The following FRY variants were observed in gnomAD, a reference collection of about 807,000 sequenced individuals.
FRY encodes the protein protein furry homolog.
A neutral mutation model predicts 348.4 loss-of-function variants in FRY; 128 were observed. The observed-to-expected ratio is 0.37, with a 90% confidence interval of 0.32 to 0.43. The LOEUF (loss-of-function observed/expected upper bound fraction) is 0.43, where lower values mean the gene tolerates loss of function less well. Ranked by LOEUF, FRY falls within the 20% of genes least tolerant of loss-of-function variation. FRY has a pLI of 1.00. For synonymous variants in FRY, 1,370 were observed against 1,374.7 expected (o/e 1.00, Z 0.08); for missense variants, 2,736 against 3,695.2 (o/e 0.74, Z 6.73).
chr13:32,233,650 T>C (rs185309986), intron 41 of FRY, among the ~76,000 whole-genome samples: 1 of 152,340 alleles, frequency 6.6e-6, no homozygotes, highest in African/African-American at 2.4e-5. Flanking sequence ...AGCTTTCCTC[T>C]CTTCTGAAAT....
intron 1 of FRY, among the ~76,000 whole-genome samples, chr13:32,034,377 G>A (rs140318930): frequency 6.6e-6 from 1 of 152,272 alleles, no homozygotes; most frequent in African/African-American, 2.4e-5. Flanking sequence ...CTAGTGAGAT[G>A]TACTAGCTTT....
At chr13:32,240,900 A>C (rs1886464694) in intron 46 of FRY, among the ~76,000 whole-genome samples, 1 of 152,206 alleles carries the variant, frequency 6.6e-6, no homozygotes, top group South Asian at 2.1e-4. Flanking sequence ...GCATCTACCT[A>C]GCAGAGGAGA....
chr13:32,084,421 T>G (rs1037289778), intron 2 of FRY, among the ~76,000 whole-genome samples: 1 of 152,174 alleles, frequency 6.6e-6, no homozygotes, highest in African/African-American at 2.4e-5. Context: ...TCTGCCACCA[T>G]GCGTTTATGC....
At chr13:32,205,134 C>T (rs1010324356) in intron 31 of FRY, among the ~76,000 whole-genome samples, 10 of 136,878 alleles carry the variant, frequency 7.3e-5, no homozygotes, top group Non-Finnish European at 1.2e-4. Context: ...ACCCAAGAAG[C>T]AGAGGTTGCA....
intron 2 of FRY, among the ~76,000 whole-genome samples, chr13:32,080,188 G>A (rs777663720): frequency 6.6e-5 from 10 of 152,132 alleles, no homozygotes; most frequent in Admixed American, 2.0e-4. Flanking sequence ...CCATAATTAT[G>A]GGAAATGTTT....
intron 35 of FRY, among the ~76,000 whole-genome samples, chr13:32,213,376 G>A (rs970481587): frequency 1.3e-5 from 2 of 152,198 alleles, no homozygotes; most frequent in African/African-American, 4.8e-5. Context: ...TCACTGGGCA[G>A]CTGTGTTACC....
chr13:32,060,202 A>G (rs985349950), intron 1 of FRY, among the ~76,000 whole-genome samples: 1 of 152,230 alleles, frequency 6.6e-6, no homozygotes, highest in African/African-American at 2.4e-5. Context: ...AATAATGCCC[A>G]TAGAAAGATC....
Position 32,182,971 on chromosome 13 carries a change from C to T in FRY, c.2997-6C>T, listed in dbSNP as rs757438613. The T allele has an allele frequency of 1.3e-6, 2 of 1,587,756 alleles. No individual in the cohort carries two copies. The highest frequency in any genetic ancestry group is 1.7e-6 in the Non-Finnish European group (2 of 1,156,822). On this transcript the variant is annotated splice_region_variant and splice_polypyrimidine_tract_variant and intron_variant, in intron 23 of 60. Coordinates refer to ENST00000542859, the MANE Select transcript of FRY (RefSeq NM_023037.3). ...GAATTTCAAATTTGACCTTTTTCCT[C>T]CACAGAGAATTGGTAGAAGAACTTC...
At chr13:32,097,912 G>A (rs375216494) in intron 2 of FRY, among the ~76,000 whole-genome samples, 3 of 152,078 alleles carry the variant, frequency 2.0e-5, no homozygotes, top group African/African-American at 7.2e-5. Flanking sequence ...TAAATCTTCT[G>A]CTATGTATAT....
chr13:32,220,055 G>C, intron 36 of FRY, among the ~76,000 whole-genome samples: 1 of 152,260 alleles, frequency 6.6e-6, no homozygotes, highest in Admixed American at 6.5e-5. Context: ...ACCAAAGAAC[G>C]CTCCCAGTGA....
rs773982674 is a variant in FRY, at chr13:32,224,389, A to G, written c.4916+4A>G. 2 of 1,613,442 alleles carry G rather than the reference A, an allele frequency of 1.2e-6. No homozygotes were observed. The highest frequency in any genetic ancestry group is 1.7e-6 in the Non-Finnish European group (2 of 1,179,606). On this transcript the variant is annotated splice_donor_region_variant and intron_variant, in intron 37 of 60. Coordinates refer to ENST00000542859, the MANE Select transcript of FRY (RefSeq NM_023037.3). ...CTCCCCGGGGGCCACTCCACAGGTGAGCAGCATGTGTGGGGAGAAGGAAAT... is the reference window on the plus strand; with the variant it reads ...CTCCCCGGGGGCCACTCCACAGGTGGGCAGCATGTGTGGGGAGAAGGAAAT...
At chr13:32,229,272 C>A (rs952104223) in intron 40 of FRY, among the ~76,000 whole-genome samples, 5 of 152,162 alleles carry the variant, frequency 3.3e-5, no homozygotes, top group Non-Finnish European at 7.3e-5. Flanking sequence ...ATTTCTAACA[C>A]CCTGCGGTCT....
rs1249075464 is a variant in FRY at position 32,154,086 on chromosome 13, C to T, written c.1480-1405C>T. On this transcript the variant is annotated intron_variant, in intron 14 of 60. Transcript: ENST00000542859. ...CACTGGCAAATAATTGAGGCTTGAC[C>T]ACATATGTCATCCCACAGTTATTAT... 2.6e-5 allele frequency among the ~76,000 whole-genome samples: 4 copies of T among 152,088 alleles called. No individual in the cohort carries two copies. In the East Asian group the frequency reaches 7.7e-4, roughly 29 times the overall value.
intron 42 of FRY, among the ~76,000 whole-genome samples, chr13:32,235,777 C>T (rs1886196096): frequency 6.6e-6 from 1 of 152,146 alleles, no homozygotes; most frequent in African/African-American, 2.4e-5. Flanking sequence ...CAGACATTGC[C>T]ACTCTGTATT....
intron 3 of FRY, among the ~76,000 whole-genome samples, chr13:32,104,473 A>G (rs1459199751): frequency 1.3e-5 from 2 of 152,198 alleles, no homozygotes; most frequent in African/African-American, 4.8e-5. Context: ...CCTGTAACAT[A>G]TCTCTATGTA....
chr13:32,145,676 CTGGG>C (rs1880393464), intron 11 of FRY, among the ~76,000 whole-genome samples: 1 of 151,302 alleles, frequency 6.6e-6, no homozygotes, highest in Admixed American at 6.6e-5. Context: ...TCCCGAGTAG[CTGGG>C]ACTACAGGCG....
chr13:32,169,250 A>G (rs1408046083), intron 17 of FRY, among the ~76,000 whole-genome samples: 1 of 152,138 alleles, frequency 6.6e-6, no homozygotes, highest in Non-Finnish European at 1.5e-5. Context: ...TTTCTTCTCC[A>G]AGACATTCTC....
chr13:32,143,546 A>G (rs1038273899), intron 11 of FRY, among the ~76,000 whole-genome samples: 11 of 152,226 alleles, frequency 7.2e-5, no homozygotes, highest in African/African-American at 2.2e-4. Flanking sequence ...ACTAATGTCA[A>G]TCAGTTAAAC....
chr13:32,226,007 C>A (rs371440889), intron 39 of FRY, 33 bp downstream of exon 39: 33 of 1,596,236 alleles, frequency 2.1e-5, no homozygotes, highest in Non-Finnish European at 2.7e-5. Context: ...GAGCCTAGGA[C>A]AGTTACAAAT....
Sources: allele counts gnomAD v4.1 joint callset (sites outside exome capture counted in the v4.1 genomes callset), GRCh38; gene constraint gnomAD v4.1.1; transcripts MANE v1.5; gene names NCBI Gene and HGNC (gene_info 2026-07-23, HGNC 2026-07-21).